Variants in UBP1 observed in about 807,000 individuals in gnomAD.
The protein encoded by UBP1 is upstream-binding protein 1.
In UBP1, 22 loss-of-function variants were observed where a neutral mutation model predicts 76.1. The ratio of observed to expected loss-of-function variants is 0.29; its 90% confidence interval spans 0.21 to 0.41. The LOEUF (loss-of-function observed/expected upper bound fraction) is 0.41. Ranked by LOEUF, UBP1 falls within the 10% of genes least tolerant of loss-of-function variation. The pLI, the probability that UBP1 is intolerant of heterozygous loss-of-function variation, is 1.00. For synonymous variants in UBP1, 224 were observed against 237.1 expected (o/e 0.94, Z 0.51); for missense variants, 436 against 668.1 (o/e 0.65, Z 3.83).
intron 1 of UBP1, among the ~76,000 whole-genome samples, chr3:33,429,711 G>A (rs1172745336): frequency 6.6e-6 from 1 of 152,146 alleles, no homozygotes; most frequent in Admixed American, 6.5e-5. Context: ...AAATCAGGAT[G>A]CTAAAAAAGA....
chr3:33,395,548 G>A (rs1049268020), intron 13 of UBP1, among the ~76,000 whole-genome samples: 9 of 151,860 alleles, frequency 5.9e-5, no homozygotes, highest in African/African-American at 1.2e-4. Flanking sequence ...TGCTCAGGAT[G>A]AGAAGCCCTC....
intron 15 of UBP1, 166 bp from the exon 16 acceptor site, chr3:33,390,534 A>C: frequency 1.4e-6 from 1 of 698,060 alleles, no homozygotes; most frequent in African/African-American, 1.8e-5. Flanking sequence ...CTCTTCCCCC[A>C]AAAAACTTCA....
At chr3:33,415,629 T>C (rs1192480202) in intron 3 of UBP1, among the ~76,000 whole-genome samples, 2 of 152,218 alleles carry the variant, frequency 1.3e-5, no homozygotes, top group South Asian at 4.1e-4. Context: ...GTTAAAAAAA[T>C]TGTTCTAACA....
intron 2 of UBP1, among the ~76,000 whole-genome samples, chr3:33,417,329 C>T (rs1249079194): frequency 1.3e-5 from 2 of 151,734 alleles, no homozygotes; most frequent in African/African-American, 4.8e-5. Flanking sequence ...ATCACCAATC[C>T]ACTTTCTGCC....
At position 33,388,386 on chromosome 3, in the gene UBP1, C is replaced by CT. The variant is rs1435123649; in HGVS notation, c.*1944dup. ...ATTATACTGAAATGTGTACATCCTA[C>CT]TATTAAAAAAACAAAGTAACAAATT... On this transcript the variant is annotated 3_prime_UTR_variant, in exon 16 of 16. Coordinates refer to ENST00000283629, the MANE Select transcript of UBP1 (RefSeq NM_014517.5). 6.6e-6 allele frequency: 1 copy of CT among 152,562 alleles called. No individual in the cohort carries two copies. The highest frequency in any genetic ancestry group is 6.6e-5 in the Admixed American group (1 of 15,260). 9.5% of individuals were successfully genotyped at this position (152,562 alleles called of 1,614,324 possible).
chr3:33,404,505 G>A (rs2044362686), intron 8 of UBP1, among the ~76,000 whole-genome samples: 1 of 150,794 alleles, frequency 6.6e-6, no homozygotes, highest in African/African-American at 2.4e-5. Context: ...AAAATAGCCA[G>A]GTATGGTGGA....
intron 8 of UBP1, among the ~76,000 whole-genome samples, chr3:33,404,749 C>G (rs916830147): frequency 6.6e-6 from 1 of 152,016 alleles, no homozygotes; most frequent in Admixed American, 6.6e-5. Context: ...GGAGGATGGA[C>G]CTATTGTCAA....
chr3:33,439,349 A>G (rs777999337), intron 1 of UBP1, among the ~76,000 whole-genome samples: 6 of 152,276 alleles, frequency 3.9e-5, no homozygotes, highest in Admixed American at 2.0e-4. Flanking sequence ...AACGCTAGAC[A>G]GTATTCTCCC....
chr3:33,408,584 G>T, intron 8 of UBP1, 106 bp downstream of exon 8: 1 of 778,642 alleles, frequency 1.3e-6, no homozygotes, highest in Non-Finnish European at 2.0e-6. Context: ...ATCAAGACAT[G>T]GACATCAAAA....
chr3:33,417,825 C>T (rs544232695), intron 2 of UBP1, among the ~76,000 whole-genome samples: 1 of 152,194 alleles, frequency 6.6e-6, no homozygotes, highest in African/African-American at 2.4e-5. Context: ...CTTGTCCATA[C>T]TCCCAGGGGG....
chr3:33,416,937 A>T, intron 2 of UBP1, 103 bp from the exon 3 acceptor site: 1 of 982,026 alleles, frequency 1.0e-6, no homozygotes, highest in Non-Finnish European at 1.5e-6. Context: ...TTACACAATG[A>T]TAGTTTGTTA....
intron 2 of UBP1, among the ~76,000 whole-genome samples, chr3:33,422,090 T>C (rs2154058865): frequency 6.6e-6 from 1 of 152,258 alleles, no homozygotes; most frequent in Non-Finnish European, 1.5e-5. Flanking sequence ...AAAGCAAGTC[T>C]AGTGAGCTGA....
intron 1 of UBP1, 60 bp from the exon 2 acceptor site, chr3:33,425,801 A>T: frequency 6.7e-7 from 1 of 1,486,830 alleles, no homozygotes; most frequent in African/African-American, 1.4e-5. Flanking sequence ...GTCTACAGCC[A>T]TATCATCCTG....
intron 1 of UBP1, among the ~76,000 whole-genome samples, chr3:33,436,137 TAA>T (rs2045201370): frequency 6.6e-6 from 1 of 152,228 alleles, no homozygotes; most frequent in Non-Finnish European, 1.5e-5. Flanking sequence ...TTTAACTTTT[TAA>T]AAAGTGACAG....
Position 33,439,971 on chromosome 3 carries a change from C to G in UBP1, c.-123G>C. On this transcript the variant is annotated 5_prime_UTR_variant, in exon 1 of 16. The change abolishes the stop of an existing upstream ORF in the 5' untranslated region. Transcript: ENST00000283629. ...AGCCTCCGGAGGGGCGGCGAGTGGT[C>G]ACCAGCGGCGGCCGGGACGAGAGCT... 9.7e-7 allele frequency: 1 copy of G among 1,029,064 alleles called. No individual in the cohort carries two copies. Among genetic ancestry groups the G allele is most frequent in the Admixed American group, 3.3e-5 (1 of 30,612 alleles). The allele number at this position is 1,029,064 out of a possible 1,614,324, so 63.7% of individuals were successfully genotyped here.
intron 10 of UBP1, among the ~76,000 whole-genome samples, 161 bp downstream of exon 10, chr3:33,400,796 GTACTC>G (rs1301493897): frequency 6.6e-6 from 1 of 152,126 alleles, no homozygotes; most frequent in Non-Finnish European, 1.5e-5. Flanking sequence ...CTAAAAAAAT[GTACTC>G]TACTCAGGTG....
upstream of UBP1, chr3:33,440,696 G>A (rs545909064): frequency 6.6e-6 from 1 of 152,412 alleles, no homozygotes; most frequent in African/African-American, 2.4e-5. Context: ...CTTGGACGAA[G>A]CTCCCGTGAG....
At chr3:33,405,854 T>G (rs962589989) in intron 8 of UBP1, among the ~76,000 whole-genome samples, 7 of 152,148 alleles carry the variant, frequency 4.6e-5, no homozygotes, top group Non-Finnish European at 1.0e-4. Context: ...GGGCAGAAAT[T>G]AAGTCTCACC....
intron 15 of UBP1, chr3:33,391,857 T>G (rs183067494): frequency 3.3e-5 from 5 of 152,450 alleles, no homozygotes; most frequent in Admixed American, 3.3e-4. Context: ...CCAATGCATT[T>G]CAAGTAAATC....
Sources: allele counts gnomAD v4.1 joint callset (sites outside exome capture counted in the v4.1 genomes callset), GRCh38; gene constraint gnomAD v4.1.1; transcripts MANE v1.5; gene names NCBI Gene and HGNC (gene_info 2026-07-23, HGNC 2026-07-21).